Variants in PCDHGA8 observed in about 807,000 individuals in gnomAD.
PCDHGA8 encodes the protein protocadherin gamma-A8.
PCDHGA8 carries 45 observed loss-of-function variants against 59.2 expected under a neutral mutation model. The ratio of observed to expected loss-of-function variants is 0.76; its 90% confidence interval spans 0.60 to 0.98. The LOEUF (loss-of-function observed/expected upper bound fraction) is 0.98, where lower values mean the gene tolerates loss of function less well. Ranked by LOEUF, PCDHGA8 falls within the 50% of genes least tolerant of loss-of-function variation. The pLI, the probability that PCDHGA8 is intolerant of heterozygous loss-of-function variation, is 0.00. For synonymous variants in PCDHGA8, 531 were observed against 519.0 expected (o/e 1.02, Z -0.32); for missense variants, 1,257 against 1,196.2 (o/e 1.05, Z -0.75).
rs530963064 is a variant in PCDHGA8, at chr5:141,404,506, C to G, written c.2424+9269C>G. ...ACACTGGTGTGCTGTATGCTCTGTG[C>G]TCCTTTGACTATGAGCAGTTTAGAG... is the stretch of plus-strand genomic sequence containing the variant. On this transcript the variant is annotated intron_variant, in intron 1 of 3. Coordinates refer to ENST00000398604, the MANE Select transcript of PCDHGA8 (RefSeq NM_032088.2). The G allele has an allele frequency of 3.2e-5, 52 of 1,613,814 alleles. No individual in the cohort carries two copies. Among genetic ancestry groups the G allele is most frequent in the Non-Finnish European group, 4.3e-5 (51 of 1,179,838 alleles).
At chr5:141,443,137 A>G (rs1202995621) in intron 1 of PCDHGA8, among the ~76,000 whole-genome samples, 1 of 152,174 alleles carries the variant, frequency 6.6e-6, no homozygotes, top group Non-Finnish European at 1.5e-5. Flanking sequence ...GAACACTATC[A>G]TAAGTTATAC....
chr5:141,489,951 T>C lies in PCDHGA8; in HGVS notation c.2425-4856T>C. On this transcript the variant is annotated intron_variant, in intron 1 of 3. Coordinates refer to ENST00000398604, the MANE Select transcript of PCDHGA8 (RefSeq NM_032088.2). The surrounding 1 kb of genome is among the most constrained non-coding windows in gnomAD (Gnocchi z 4.5). ...CTGTCATCGTGCTGGACATCAATGATAATGCTCCAACCTTCCAATCCTCAG... is the reference window on the plus strand; with the variant it reads ...CTGTCATCGTGCTGGACATCAATGACAATGCTCCAACCTTCCAATCCTCAG... 6.2e-7 allele frequency: 1 copy of C among 1,614,210 alleles called. No homozygotes were observed. Among genetic ancestry groups the C allele is most frequent in the Non-Finnish European group, 8.5e-7 (1 of 1,180,032 alleles).
Position 141,393,334 on chromosome 5 carries a change from C to A in PCDHGA8, c.521C>A (p.Pro174His). The A allele has an allele frequency of 6.2e-7, 1 of 1,613,960 alleles. No individual in the cohort carries two copies. The highest frequency in any genetic ancestry group is 8.5e-7 in the Non-Finnish European group (1 of 1,179,876). The part of the protein sequence containing the change: ...VNSLQSYQLS[P>H]NHHFSLDVQT... The stretch of plus-strand genomic sequence containing the variant: ...TCCCTCCAGAGCTACCAGCTCAGCC[C>A]CAATCACCACTTCTCCCTGGACGTG... The change falls in exon 1 of 4, where the codon CCC (proline) becomes CAC (histidine). Residue 174 changes from proline (P) to histidine (H), a missense_variant. By Grantham distance (77) the Pro-to-His change is moderately conservative. Transcript: ENST00000398604.
intron 1 of PCDHGA8, among the ~76,000 whole-genome samples, chr5:141,470,290 C>T (rs1226383020): frequency 1.3e-5 from 2 of 152,148 alleles, no homozygotes; most frequent in Non-Finnish European, 2.9e-5. Context: ...TATTGGTTAA[C>T]TGTTTTTATT....
chr5:141,473,117 C>A (rs976493841), intron 1 of PCDHGA8, among the ~76,000 whole-genome samples: 4 of 152,140 alleles, frequency 2.6e-5, no homozygotes, highest in Admixed American at 1.3e-4. Flanking sequence ...CTTTACTTGG[C>A]TCTTTGGCAA....
chr5:141,489,994 C>A lies in PCDHGA8; in HGVS notation c.2425-4813C>A, dbSNP rs1307285048. The A allele has an allele frequency of 1.2e-5, 19 of 1,614,192 alleles. No individual in the cohort carries two copies. The highest frequency in any genetic ancestry group is 1.6e-4 in the Middle Eastern group (1 of 6,062). On this transcript the variant is annotated intron_variant, in intron 1 of 3. Transcript: ENST00000398604. This position sits in a 1 kb window ranked among gnomAD's most constrained non-coding sequence, Gnocchi z 4.5. Reference sequence around the variant, plus strand: ...ATCCTCAGTTCTACGTGTGGGAATCCCAGAGAATGCACCCATTGGTACTCT... The same window carrying A: ...ATCCTCAGTTCTACGTGTGGGAATCACAGAGAATGCACCCATTGGTACTCT...
intron 1 of PCDHGA8, among the ~76,000 whole-genome samples, chr5:141,448,430 T>C (rs1468604001): frequency 6.6e-6 from 1 of 152,186 alleles, no homozygotes; most frequent in African/African-American, 2.4e-5. Flanking sequence ...TATGTATATA[T>C]TGAGAAGTCT....
rs1256615029 is a variant in PCDHGA8 at position 141,512,740 on chromosome 5, C to T, written c.*1567C>T. ...GCGGGTGGGCAGCGGGCGGCGGGCT[C>T]CGCGCAGCCGTCTGTCCTTGATCTG... On this transcript the variant is annotated 3_prime_UTR_variant, in exon 4 of 4. Transcript: ENST00000398604. 1 of 152,788 alleles carries T rather than the reference C, an allele frequency of 6.5e-6. No individual in the cohort carries two copies. The highest frequency in any genetic ancestry group is 1.5e-5 in the Non-Finnish European group (1 of 68,570). The allele number at this position is 152,788 out of a possible 1,614,324, so 9.5% of individuals were successfully genotyped here.
chr5:141,485,786 C>A lies in PCDHGA8; in HGVS notation c.2425-9021C>A. On this transcript the variant is annotated intron_variant, in intron 1 of 3. Transcript: ENST00000398604. This position sits in a 1 kb window ranked among gnomAD's most constrained non-coding sequence, Gnocchi z 5.7. ...GGAGAAGCCTTTGGATCGAGAGAAG[C>A]AATCGGACTACCGCCTGGTGCTGAC... 1 of 1,614,208 alleles carries A rather than the reference C, an allele frequency of 6.2e-7. No individual in the cohort carries two copies. The highest frequency in any genetic ancestry group is 1.3e-5 in the African/African-American group (1 of 75,062).
intron 1 of PCDHGA8, chr5:141,478,198 A>G (rs1393603398): frequency 6.2e-7 from 1 of 1,613,864 alleles, no homozygotes; most frequent in East Asian, 2.2e-5. Flanking sequence ...CCTTTTATCT[A>G]CTTCTTTCTC....
chr5:141,512,656 C>G lies in PCDHGA8; in HGVS notation c.*1483C>G, dbSNP rs1262748947. ...CCCTTACAGTAGTGTAGCGCCCCCT[C>G]CCTCTTTCGGCTGGTGTAGAATAGC... On this transcript the variant is annotated 3_prime_UTR_variant, in exon 4 of 4. Coordinates refer to ENST00000398604, the MANE Select transcript of PCDHGA8 (RefSeq NM_032088.2). 1 of 152,508 alleles carries G rather than the reference C, an allele frequency of 6.6e-6. No homozygotes were observed. The highest frequency in any genetic ancestry group is 1.5e-5 in the Non-Finnish European group (1 of 68,228). The allele number at this position is 152,508 out of a possible 1,614,324, so 9.4% of individuals were successfully genotyped here.
rs767438347 is a variant in PCDHGA8 at position 141,395,127 on chromosome 5, C to T, written c.2314C>T (p.Gln772Ter). The T allele has an allele frequency of 1.2e-6, 2 of 1,614,200 alleles. No individual in the cohort carries two copies. The highest frequency in any genetic ancestry group is 1.3e-5 in the African/African-American group (1 of 75,050). The change falls in exon 1 of 4, where the codon CAG becomes TAG. Residue 772 changes from glutamine to a stop codon, truncating the protein, a stop_gained. Transcript: ENST00000398604. LOFTEE classifies it high-confidence loss of function. ...DSRKSHLIFP[Q>*]PNYADMLISQ... Reference sequence around the variant, plus strand: ...GCGGAAGAGTCACCTGATCTTTCCCCAGCCCAACTACGCAGACATGCTCAT... The same window carrying T: ...GCGGAAGAGTCACCTGATCTTTCCCTAGCCCAACTACGCAGACATGCTCAT...
intron 1 of PCDHGA8, among the ~76,000 whole-genome samples, chr5:141,407,290 G>A (rs1025830566): frequency 3.3e-5 from 5 of 152,154 alleles, no homozygotes; most frequent in African/African-American, 1.2e-4. Context: ...TACAATTTCT[G>A]TTCTGAGGAG....
chr5:141,413,032 C>A, intron 1 of PCDHGA8: 1 of 766,948 alleles, frequency 1.3e-6, no homozygotes, highest in Non-Finnish European at 2.0e-6. Context: ...CACAAACCGG[C>A]TGCTGGGCTG....
rs774140980 is a variant in PCDHGA8, at chr5:141,420,167, T to G, written c.2424+24930T>G. On this transcript the variant is annotated intron_variant, in intron 1 of 3. Transcript: ENST00000398604. ...GAATCCAGAATTTAATTTTTTCACA[T>G]CTGTTGATCATTGTCCAGCCACACA... 3 of 1,614,082 alleles carry G rather than the reference T, an allele frequency of 1.9e-6. No homozygotes were observed. The South Asian group carries it at 3.3e-5, about 18-fold the overall frequency.
chr5:141,485,239 C>T lies in PCDHGA8; in HGVS notation c.2425-9568C>T. ...GGGCTACCCTTTTGTTCCTCTTTTA[C>T]CACCTGGGTTACGTTTGTGGGCAGA... On this transcript the variant is annotated intron_variant, in intron 1 of 3. Transcript: ENST00000398604. This position sits in a 1 kb window ranked among gnomAD's most constrained non-coding sequence, Gnocchi z 5.7. The T allele has an allele frequency of 6.2e-7, 1 of 1,614,140 alleles. No homozygotes were observed. Among genetic ancestry groups the T allele is most frequent in the South Asian group, 1.1e-5 (1 of 91,072 alleles).
chr5:141,427,982 G>T, intron 1 of PCDHGA8: 1 of 1,596,752 alleles, frequency 6.3e-7, no homozygotes, highest in African/African-American at 1.3e-5. Flanking sequence ...CCGCGCTGGG[G>T]CCCGATGGCT....
intron 1 of PCDHGA8, among the ~76,000 whole-genome samples, chr5:141,401,347 A>T (rs2094143126): frequency 6.6e-6 from 1 of 152,228 alleles, no homozygotes; most frequent in South Asian, 2.1e-4. Context: ...CATCTCAAAA[A>T]AAAGGAAGGA....
Position 141,487,591 on chromosome 5 carries a change from C to G in PCDHGA8, c.2425-7216C>G, listed in dbSNP as rs2099653282. The G allele has an allele frequency of 1.2e-6, 2 of 1,614,176 alleles. No individual in the cohort carries two copies. The highest frequency in any genetic ancestry group is 1.7e-6 in the Non-Finnish European group (2 of 1,180,036). ...AGCCTGTTCGCCCAAGCTGCCCACC[C>G]TCTGATCTTCTCTATGGGCTAGAGG... is the stretch of plus-strand genomic sequence containing the variant. On this transcript the variant is annotated intron_variant, in intron 1 of 3. Coordinates refer to ENST00000398604, the MANE Select transcript of PCDHGA8 (RefSeq NM_032088.2). The surrounding 1 kb of genome is among the most constrained non-coding windows in gnomAD (Gnocchi z 5.0).
Sources: allele counts gnomAD v4.1 joint callset (sites outside exome capture counted in the v4.1 genomes callset), GRCh38; gene constraint gnomAD v4.1.1; non-coding constraint Gnocchi (gnomAD v3.1); transcripts MANE v1.5; gene names NCBI Gene and HGNC (gene_info 2026-07-23, HGNC 2026-07-21).